INSYN1: variants seen among roughly 807,000 people sequenced by gnomAD.
INSYN1 encodes UPF0583 protein C15orf59.
A neutral mutation model predicts 17.1 loss-of-function variants in INSYN1; 7 were observed. The observed-to-expected ratio is 0.41, with a 90% CI of 0.23 to 0.77. INSYN1 has a LOEUF of 0.77. INSYN1 is among the 30% of genes least tolerant of loss of function. The pLI, the probability that INSYN1 is intolerant of heterozygous loss-of-function variation, is 0.32. For missense variants in INSYN1, 339 were observed against 400.6 expected, an observed-to-expected ratio of 0.85 and a Z score of 1.31; for synonymous variants, 174 against 166.3, an observed-to-expected ratio of 1.05 and a Z score of -0.36.
intron 2 of INSYN1, among the ~76,000 whole-genome samples, chr15:73,745,480 T>C (rs1048939825): frequency 3.3e-5 from 5 of 152,220 alleles, no homozygotes; most frequent in African/African-American, 9.6e-5. Context: ...GCACCTCTCC[T>C]GAAAATGTTA....
chr15:73,751,925 C>T (rs1332060649), intron 1 of INSYN1, among the ~76,000 whole-genome samples, 185 bp downstream of exon 1: 2 of 151,988 alleles, frequency 1.3e-5, no homozygotes, highest in East Asian at 3.9e-4. Context: ...CTACGGGGCA[C>T]CCTGGCCGTA....
At chr15:73,747,207 T>A (rs896599) in intron 2 of INSYN1, among the ~76,000 whole-genome samples, 124,125 of 152,128 alleles carry the variant, frequency 0.82, 51,616 homozygotes, top group Middle Eastern at 0.94. Flanking sequence ...ATGTGACTTG[T>A]ATCCTCACTT....
Position 73,739,913 on chromosome 15 carries a change from G to A in INSYN1, c.*4C>T, listed in dbSNP as rs1429487870. 2.7e-6 allele frequency: 4 copies of A among 1,461,516 alleles called. No homozygotes were observed. Among genetic ancestry groups the A allele is most frequent in the Non-Finnish European group, 2.8e-6 (3 of 1,057,730 alleles). 90.5% of individuals were successfully genotyped at this position (1,461,516 alleles called of 1,614,324 possible). On this transcript the variant is annotated 3_prime_UTR_variant, in exon 3 of 3. Transcript: ENST00000569673. The stretch of plus-strand genomic sequence containing the variant: ...CCCACCGCCCCCGGCCCCCTCCCCG[G>A]CCCCTAGTTTTTCCCCCTGGCTTTC...
chr15:73,749,258 T>C (rs1157152454), intron 2 of INSYN1, among the ~76,000 whole-genome samples: 2 of 152,206 alleles, frequency 1.3e-5, no homozygotes, highest in Non-Finnish European at 2.9e-5. Flanking sequence ...GTTCTAGGCA[T>C]ACTTCTGCCA....
chr15:73,747,355 A>G (rs1901862997), intron 2 of INSYN1, among the ~76,000 whole-genome samples: 1 of 152,176 alleles, frequency 6.6e-6, no homozygotes, highest in Non-Finnish European at 1.5e-5. Flanking sequence ...CCCAGCCAGG[A>G]GGCCAGGATG....
chr15:73,746,267 T>C (rs984938661), intron 2 of INSYN1, among the ~76,000 whole-genome samples: 8 of 152,064 alleles, frequency 5.3e-5, no homozygotes, highest in South Asian at 2.1e-4. Flanking sequence ...TTTGGCCTAA[T>C]TGGCCAGGGA....
chr15:73,743,736 A>G (rs1288247346), intron 2 of INSYN1, among the ~76,000 whole-genome samples: 1 of 145,056 alleles, frequency 6.9e-6, no homozygotes, highest in Non-Finnish European at 1.5e-5. Flanking sequence ...AGGCTGAGGC[A>G]GAGGAATCTC....
In INSYN1 at chr15:73,739,797, T is replaced by G; in HGVS notation, c.*120A>C. On this transcript the variant is annotated 3_prime_UTR_variant, in exon 3 of 3. Coordinates refer to ENST00000569673, the MANE Select transcript of INSYN1 (RefSeq NM_001039614.3). ...AAGCTTTGGGGCCTGTGGGGCCAGA[T>G]CCTTAGCATTTTTAAATTTTATTAT... The G allele has an allele frequency of 4.7e-6, 1 of 212,976 alleles. No homozygotes were observed. The highest frequency in any genetic ancestry group is 8.7e-6 in the Non-Finnish European group (1 of 115,006). 13.2% of individuals were successfully genotyped at this position (212,976 alleles called of 1,614,324 possible).
At position 73,739,868 on chromosome 15, in the gene INSYN1, T is replaced by TA. The variant is rs1491438174; in HGVS notation, c.*48_*49insT. Reference sequence around the variant, plus strand: ...ATATATATATATATATATATATATATTTATTTATAGCTCTATGTGCCCACC... The same window carrying TA: ...ATATATATATATATATATATATATATATTATTTATAGCTCTATGTGCCCACC... On this transcript the variant is annotated 3_prime_UTR_variant, in exon 3 of 3. Transcript: ENST00000569673. The TA allele has an allele frequency of 4.3e-4, 169 of 395,112 alleles. 1 individual carries two copies. Among genetic ancestry groups the TA allele is most frequent in the African/African-American group, 2.6e-3 (117 of 45,602 alleles). 24.5% of individuals were successfully genotyped at this position (395,112 alleles called of 1,614,324 possible). A position where few individuals can be genotyped will look rare whatever the true frequency, so the allele number is the denominator to read the frequency against.
At position 73,736,926 on chromosome 15, in the gene INSYN1, AAAGG is replaced by A. The variant is rs1901544619; in HGVS notation, c.*2987_*2990del. ...AAACAAAACAAAACAAAAACAAGAA[AAAGG>A]AAGCCACAGGGATCCCACTCCACTG... On this transcript the variant is annotated 3_prime_UTR_variant, in exon 3 of 3. Transcript: ENST00000569673. The A allele has an allele frequency of 6.5e-6, 1 of 152,930 alleles. No individual in the cohort carries two copies. The highest frequency in any genetic ancestry group is 6.5e-5 in the Admixed American group (1 of 15,300). 9.5% of individuals were successfully genotyped at this position (152,930 alleles called of 1,614,324 possible).
chr15:73,750,858 G>C (rs1351289748), intron 2 of INSYN1, 117 bp downstream of exon 2: 3 of 1,113,316 alleles, frequency 2.7e-6, no homozygotes, highest in Non-Finnish European at 4.0e-6. Flanking sequence ...GTCCCCAGTA[G>C]AGTGACACAT....
intron 2 of INSYN1, among the ~76,000 whole-genome samples, chr15:73,748,831 C>T (rs1206653251): frequency 6.6e-6 from 1 of 152,168 alleles, no homozygotes; most frequent in Non-Finnish European, 1.5e-5. Flanking sequence ...GTGTCTAGAC[C>T]CTGCCTGGGG....
Position 73,740,487 on chromosome 15 carries a change from A to G in INSYN1, c.312T>C (p.Asp104=), listed in dbSNP as rs1434274592. 1.2e-6 allele frequency: 2 copies of G among 1,613,924 alleles called. No individual in the cohort carries two copies. Among genetic ancestry groups the G allele is most frequent in the Non-Finnish European group, 1.7e-6 (2 of 1,180,054 alleles). ...DLGHLDFMTA[D]ILSDSWEFCS... Reference sequence around the variant, plus strand: ...AGAACTCCCAGCTGTCTGAGAGGATATCGGCTGTCATGAAGTCCAGGTGGC... The same window carrying G: ...AGAACTCCCAGCTGTCTGAGAGGATGTCGGCTGTCATGAAGTCCAGGTGGC... Residue 104 remains aspartate (D), a synonymous_variant, in exon 3 of 3, where the codon GAT becomes GAC. Transcript: ENST00000569673.
Position 73,740,398 on chromosome 15 carries a change from C to G in INSYN1, c.401G>C (p.Gly134Ala), listed in dbSNP as rs1470313482. 6.2e-7 allele frequency: 1 copy of G among 1,610,162 alleles called. No homozygotes were observed. The highest frequency in any genetic ancestry group is 2.2e-5 in the East Asian group (1 of 44,832). Reference protein sequence around the residue: ...SVDGPESTRPGAGPDYRLMNG... With the variant: ...SVDGPESTRPAAGPDYRLMNG... ...CATGAGGCGGTAGTCAGGGCCAGCC[C>G]CTGGCCGAGTCGACTCGGGACCATC... Residue 134 changes from glycine to alanine, a missense_variant, in exon 3 of 3, where the codon GGG (glycine) becomes GCG (alanine). Coordinates refer to ENST00000569673, the MANE Select transcript of INSYN1 (RefSeq NM_001039614.3).
rs1901634011 is a variant in INSYN1, at chr15:73,739,881, C to G, written c.*36G>C. ...TATATATATATATTTATTTATAGCT[C>G]TATGTGCCCACCGCCCCCGGCCCCC... On this transcript the variant is annotated 3_prime_UTR_variant, in exon 3 of 3. Transcript: ENST00000569673. 1.4e-6 allele frequency: 1 copy of G among 728,960 alleles called. No individual in the cohort carries two copies. Among genetic ancestry groups the G allele is most frequent in the South Asian group, 1.7e-5 (1 of 59,458 alleles). The allele number at this position is 728,960 out of a possible 1,614,324, so 45.2% of individuals were successfully genotyped here.
At chr15:73,743,578 G>A (rs897434373) in intron 2 of INSYN1, among the ~76,000 whole-genome samples, 2 of 152,008 alleles carry the variant, frequency 1.3e-5, no homozygotes, top group Non-Finnish European at 2.9e-5. Flanking sequence ...CCAGCACTTT[G>A]GGAGGCCGAG....
chr15:73,750,904 A>G (rs1288812096), intron 2 of INSYN1, 71 bp downstream of exon 2: 1 of 1,537,140 alleles, frequency 6.5e-7, no homozygotes, highest in Admixed American at 1.7e-5. Flanking sequence ...CGTATTTATG[A>G]GTACGTTTTT....
At chr15:73,750,424 C>G (rs1384679727) in intron 2 of INSYN1, among the ~76,000 whole-genome samples, 2 of 152,194 alleles carry the variant, frequency 1.3e-5, no homozygotes, top group African/African-American at 2.4e-5. Flanking sequence ...ACAGCACCCC[C>G]AGACCCATTC....
intron 2 of INSYN1, among the ~76,000 whole-genome samples, chr15:73,745,088 C>A (rs946492689): frequency 9.2e-5 from 14 of 152,178 alleles, no homozygotes; most frequent in Non-Finnish European, 2.9e-5. Flanking sequence ...CGCTGAAAAA[C>A]TGCACCCATC....
Sources: gnomAD v4.1 joint callset for allele counts (sites outside exome capture counted in the v4.1 genomes callset) on GRCh38, gnomAD v4.1.1 for gene constraint, MANE v1.5 for transcripts, NCBI Gene and HGNC (gene_info 2026-07-23, HGNC 2026-07-21) for gene names.